Variants in THSD7B observed in about 807,000 individuals in gnomAD.
The protein encoded by THSD7B is thrombospondin type 1 domain containing 7B.
Under a neutral mutation model 213.6 loss-of-function variants are expected in THSD7B, and 138 were observed. That is an observed-to-expected ratio of 0.65 (90% CI 0.56 to 0.74). THSD7B has a LOEUF of 0.74. THSD7B is among the 30% of genes least tolerant of loss of function. THSD7B has a pLI of 0.00. For synonymous variants in THSD7B, 742 were observed against 687.0 expected (o/e 1.08, Z -1.25); for missense variants, 1,931 against 1,991.5 (o/e 0.97, Z 0.58).
intron 7 of THSD7B, among the ~76,000 whole-genome samples, chr2:137,223,947 C>A (rs576049226): frequency 2.6e-4 from 39 of 152,272 alleles, no homozygotes; most frequent in African/African-American, 7.2e-4. Context: ...GACTGCTCCC[C>A]CTTCTGCCAA....
chr2:136,899,463 T>C (rs568006185), intron 2 of THSD7B, among the ~76,000 whole-genome samples: 30 of 152,228 alleles, frequency 2.0e-4, no homozygotes, highest in Non-Finnish European at 3.5e-4. Context: ...GGCAAGCCAA[T>C]TGGACAATAT....
At chr2:136,940,600 C>A (rs1684804145) in intron 2 of THSD7B, among the ~76,000 whole-genome samples, 1 of 151,720 alleles carries the variant, frequency 6.6e-6, no homozygotes, top group Admixed American at 6.6e-5. Context: ...CCATGTTGCC[C>A]AGGCTGGTCT....
rs1553450627 is a variant in THSD7B at position 137,448,836 on chromosome 2, C to CAAA, written c.2960-2006_2960-2004dup. ...ACAACAACAACAACAACAACAACAA[C>CAAA]AAAAACTACCCTTTCCTGGGTCCCA... On this transcript the variant is annotated intron_variant, in intron 14 of 27. Coordinates refer to ENST00000409968, the MANE Select transcript of THSD7B (RefSeq NM_001316349.2). Among the ~76,000 whole-genome samples the CAAA allele has an allele frequency of 4.8e-3, 715 of 147,584 alleles. 4 individuals are homozygous for CAAA. Among genetic ancestry groups the CAAA allele is most frequent in the Middle Eastern group, 0.015 (4 of 266 alleles).
At chr2:137,342,216 C>A (rs1286773970) in intron 12 of THSD7B, among the ~76,000 whole-genome samples, 1 of 151,294 alleles carries the variant, frequency 6.6e-6, no homozygotes, top group African/African-American at 2.4e-5. Flanking sequence ...CGTTCTTTCA[C>A]CTTCTTGGTT....
intron 2 of THSD7B, among the ~76,000 whole-genome samples, chr2:137,003,498 G>A (rs139522109): frequency 1.3e-5 from 2 of 152,278 alleles, no homozygotes; most frequent in African/African-American, 2.4e-5. Context: ...GAAATAAAGC[G>A]GGAATACATG....
intron 1 of THSD7B, among the ~76,000 whole-genome samples, chr2:136,843,633 A>G (rs933796060): frequency 5.3e-5 from 8 of 152,168 alleles, no homozygotes; most frequent in Non-Finnish European, 1.2e-4. Flanking sequence ...CAGTGAGCTC[A>G]GTGTGGTACT....
chr2:137,086,028 C>T (rs1197669145), intron 3 of THSD7B, among the ~76,000 whole-genome samples: 1 of 152,040 alleles, frequency 6.6e-6, no homozygotes, highest in Non-Finnish European at 1.5e-5. Context: ...TACTTAAACT[C>T]AGTAGGAAAA....
Position 137,614,314 on chromosome 2 carries a change from C to A in THSD7B, c.3424-1861C>A, listed in dbSNP as rs545874632. ...CTTCTTTCTCATCTAGGTTTAGATG[C>A]GGAACTAAGGTTTAGAGTATATAAG... is the stretch of plus-strand genomic sequence containing the variant. On this transcript the variant is annotated intron_variant, in intron 17 of 27. Coordinates refer to ENST00000409968, the MANE Select transcript of THSD7B (RefSeq NM_001316349.2). Among the ~76,000 whole-genome samples the A allele has an allele frequency of 3.3e-5, 5 of 152,012 alleles. No individual in the cohort carries two copies. The South Asian group carries it at 8.3e-4, about 25-fold the overall frequency.
At chr2:136,897,828 A>G (rs950588377) in intron 2 of THSD7B, among the ~76,000 whole-genome samples, 1 of 151,832 alleles carries the variant, frequency 6.6e-6, no homozygotes, top group Non-Finnish European at 1.5e-5. Context: ...CTTCAGCTAG[A>G]CACAGAACGC....
intron 5 of THSD7B, among the ~76,000 whole-genome samples, chr2:137,140,006 GA>G (rs1166467620): frequency 6.6e-6 from 1 of 151,426 alleles, no homozygotes; most frequent in Non-Finnish European, 1.5e-5. Context: ...TTTATAGAGA[GA>G]ATATGTAGTG....
At chr2:137,395,478 T>G (rs1168614735) in intron 12 of THSD7B, among the ~76,000 whole-genome samples, 1 of 150,642 alleles carries the variant, frequency 6.6e-6, no homozygotes, top group Admixed American at 6.6e-5. Flanking sequence ...TTGATTTGCA[T>G]ATATTGAACC....
rs535532977 is a variant in THSD7B, at chr2:137,501,180, CTGCCCCTTTTGGAATAAGA to C, written c.3138+50161_3138+50179del. 1.9e-3 allele frequency among the ~76,000 whole-genome samples: 291 copies of C among 152,264 alleles called. 3 individuals are homozygous for C. The highest frequency in any genetic ancestry group is 6.8e-3 in the African/African-American group (284 of 41,554). ...TCATAAAACTAAACATTCACTGCAT[CTGCCCCTTTTGGAATAAGA>C]TGCTATTGACATATGCAAATGTATT... is the stretch of plus-strand genomic sequence containing the variant. On this transcript the variant is annotated intron_variant, in intron 15 of 27. Coordinates refer to ENST00000409968, the MANE Select transcript of THSD7B (RefSeq NM_001316349.2).
rs575892220 is a variant in THSD7B, at chr2:137,539,112, G to C, written c.3139-24109G>C. Among the ~76,000 whole-genome samples the C allele has an allele frequency of 5.9e-5, 9 of 151,512 alleles. No individual in the cohort carries two copies. The East Asian group carries it at 1.7e-3, about 29-fold the overall frequency. On this transcript the variant is annotated intron_variant, in intron 15 of 27. Transcript: ENST00000409968. Reference sequence around the variant, plus strand: ...TTTAATAAATCCACATGCTATTTCTGTACACCCCAATTCTTACTTGAAATA... The same window carrying C: ...TTTAATAAATCCACATGCTATTTCTCTACACCCCAATTCTTACTTGAAATA...
At chr2:136,891,322 G>C (rs533764851) in intron 2 of THSD7B, among the ~76,000 whole-genome samples, 1 of 152,216 alleles carries the variant, frequency 6.6e-6, no homozygotes, top group East Asian at 1.9e-4. Context: ...TATTAAAAGC[G>C]AGGCACTAAA....
At chr2:136,803,218 C>G (rs560499493) in intron 1 of THSD7B, among the ~76,000 whole-genome samples, 2 of 151,856 alleles carry the variant, frequency 1.3e-5, no homozygotes, top group South Asian at 4.2e-4. Context: ...TTTCAATAAG[C>G]AAACAGAAAA....
chr2:136,767,451 T>C (rs1681421765), intron 1 of THSD7B, among the ~76,000 whole-genome samples: 1 of 56,918 alleles, frequency 1.8e-5, no homozygotes, highest in Non-Finnish European at 4.5e-5. Flanking sequence ...TTTCTATCCC[T>C]GGGAAGTGTG....
intron 15 of THSD7B, among the ~76,000 whole-genome samples, chr2:137,512,673 CG>C (rs1232270732): frequency 6.6e-6 from 1 of 151,900 alleles, no homozygotes; most frequent in Non-Finnish European, 1.5e-5. Flanking sequence ...GGATTACAAG[CG>C]TAAGCCACCA....
In THSD7B at chr2:136,894,936, G is replaced by T. The variant is rs72981628; in HGVS notation, c.139+12619G>T. On this transcript the variant is annotated intron_variant, in intron 2 of 27. Coordinates refer to ENST00000409968, the MANE Select transcript of THSD7B (RefSeq NM_001316349.2). Reference sequence around the variant, plus strand: ...TAAAACTCTATTGTTTTCAAAGCAAGAGCTCTGGGATTCTATCCAAAGCAA... The same window carrying T: ...TAAAACTCTATTGTTTTCAAAGCAATAGCTCTGGGATTCTATCCAAAGCAA... Among the ~76,000 whole-genome samples, 1,438 of 152,094 alleles carry T rather than the reference G, an allele frequency of 9.5e-3. 31 individuals carry two copies. Among genetic ancestry groups the T allele is most frequent in the African/African-American group, 0.033 (1,386 of 41,480 alleles).
At chr2:137,524,865 T>C (rs1558826936) in intron 15 of THSD7B, among the ~76,000 whole-genome samples, 1 of 152,196 alleles carries the variant, frequency 6.6e-6, no homozygotes, top group South Asian at 2.1e-4. Context: ...GCTGAATATT[T>C]TGAATGTCAT....
Sources: allele counts gnomAD v4.1 joint callset (sites outside exome capture counted in the v4.1 genomes callset), GRCh38; gene constraint gnomAD v4.1.1; transcripts MANE v1.5; gene names NCBI Gene and HGNC (gene_info 2026-07-23, HGNC 2026-07-21).